The following NKAIN3 variants were observed in gnomAD, a reference collection of about 807,000 sequenced individuals.
NKAIN3 encodes the protein sodium/potassium transporting ATPase interacting 3, also known as sodium/potassium-transporting ATPase subunit beta-1-interacting protein 3.
A neutral mutation model predicts 30.2 loss-of-function variants in NKAIN3; 25 were observed. The ratio of observed to expected loss-of-function variants is 0.83; its 90% CI spans 0.60 to 1.16. The LOEUF (loss-of-function observed/expected upper bound fraction) is 1.16, where lower values mean the gene tolerates loss of function less well. Among genes scored for constraint, NKAIN3 ranks in the 50% most tolerant of loss-of-function variants. NKAIN3 has a pLI of 0.00. For synonymous variants in NKAIN3, 91 were observed against 89.6 expected (o/e 1.02, Z -0.09); for missense variants, 225 against 254.1 (o/e 0.89, Z 0.78).
chr8:62,273,468 G>T (rs376111356), intron 1 of NKAIN3, among the ~76,000 whole-genome samples: 2 of 152,184 alleles, frequency 1.3e-5, no homozygotes, highest in African/African-American at 2.4e-5. Flanking sequence ...AAGATGGTCA[G>T]TGATACAATT....
chr8:62,762,517 AG>A (rs1353610958), intron 4 of NKAIN3, among the ~76,000 whole-genome samples: 2 of 152,334 alleles, frequency 1.3e-5, no homozygotes, highest in East Asian at 3.9e-4. Flanking sequence ...TTAAGACATT[AG>A]GATGGTGTCA....
chr8:62,481,351 A>G (rs1316715759), intron 1 of NKAIN3, among the ~76,000 whole-genome samples: 3 of 152,018 alleles, frequency 2.0e-5, no homozygotes. Context: ...CCTGGAGGGC[A>G]CTTCTCAGGT....
chr8:62,288,526 A>G (rs1474100656), intron 1 of NKAIN3, among the ~76,000 whole-genome samples: 2 of 152,148 alleles, frequency 1.3e-5, no homozygotes, highest in Non-Finnish European at 2.9e-5. Flanking sequence ...TTTGCTGAGA[A>G]TGATGATTTC....
intron 1 of NKAIN3, among the ~76,000 whole-genome samples, chr8:62,567,576 T>G (rs1399445258): frequency 1.3e-5 from 2 of 152,048 alleles, no homozygotes; most frequent in African/African-American, 2.4e-5. Context: ...TCTTTATAAG[T>G]GAAAGAAGGA....
At position 62,400,194 on chromosome 8, in the gene NKAIN3, T is replaced by C. The variant is rs374354358; in HGVS notation, c.54+151067T>C. Among the ~76,000 whole-genome samples, 182 of 147,760 alleles carry C rather than the reference T, an allele frequency of 1.2e-3. 1 individual carries two copies. Among genetic ancestry groups the C allele is most frequent in the African/African-American group, 4.5e-3 (178 of 39,978 alleles). Reference sequence around the variant, plus strand: ...TTTTTTTTTTTTTTTGAGACAGAGTTTCACTCTGTCACCCAGACTGGAGTG... The same window carrying C: ...TTTTTTTTTTTTTTTGAGACAGAGTCTCACTCTGTCACCCAGACTGGAGTG... On this transcript the variant is annotated intron_variant, in intron 1 of 6. Transcript: ENST00000623646.
At chr8:62,295,103 A>G in intron 1 of NKAIN3, among the ~76,000 whole-genome samples, 1 of 152,188 alleles carries the variant, frequency 6.6e-6, no homozygotes, top group African/African-American at 2.4e-5. Context: ...GTACTTTGAA[A>G]GGAGGCACAA....
chr8:62,604,403 G>T (rs1383196), intron 3 of NKAIN3, among the ~76,000 whole-genome samples: 4 of 151,844 alleles, frequency 2.6e-5, no homozygotes, highest in African/African-American at 9.7e-5. Flanking sequence ...AGTAATTGTC[G>T]GTGTGCTTGC....
At chr8:62,743,762 T>C (rs964692761) in intron 3 of NKAIN3, among the ~76,000 whole-genome samples, 15 of 152,026 alleles carry the variant, frequency 9.9e-5, no homozygotes, top group African/African-American at 3.1e-4. Flanking sequence ...AAAAAATAAA[T>C]ATGATTGAAC....
At chr8:62,331,095 A>G (rs990032815) in intron 1 of NKAIN3, among the ~76,000 whole-genome samples, 4 of 144,102 alleles carry the variant, frequency 2.8e-5, no homozygotes, top group African/African-American at 1.1e-4. Context: ...CTCTCTCTCC[A>G]TATATATATA....
chr8:62,689,910 G>A (rs1044734053), intron 3 of NKAIN3, among the ~76,000 whole-genome samples: 1 of 151,680 alleles, frequency 6.6e-6, no homozygotes, highest in Non-Finnish European at 1.5e-5. Context: ...ACCAAGGGAA[G>A]TTCACTGGCA....
chr8:62,299,058 G>A lies in NKAIN3; in HGVS notation c.54+49931G>A, dbSNP rs928645793. Among the ~76,000 whole-genome samples, 7 of 152,018 alleles carry A rather than the reference G, an allele frequency of 4.6e-5. No individual in the cohort carries two copies. In the South Asian group the frequency reaches 1.0e-3, roughly 23 times the overall value. On this transcript the variant is annotated intron_variant, in intron 1 of 6. Transcript: ENST00000623646. Reference sequence around the variant, plus strand: ...AAAAGTATAGAGATGAGAAGATAATGTTTTCCCTGTATGTCTAAGACATAG... The same window carrying A: ...AAAAGTATAGAGATGAGAAGATAATATTTTCCCTGTATGTCTAAGACATAG...
chr8:62,866,488 C>T (rs1048863232), intron 4 of NKAIN3, among the ~76,000 whole-genome samples: 1 of 152,076 alleles, frequency 6.6e-6, no homozygotes, highest in Non-Finnish European at 1.5e-5. Flanking sequence ...TATGCATTTC[C>T]TTAAAATTAA....
chr8:62,830,378 C>A (rs1277927399), intron 4 of NKAIN3, among the ~76,000 whole-genome samples: 1 of 151,996 alleles, frequency 6.6e-6, no homozygotes, highest in African/African-American at 2.4e-5. Flanking sequence ...TAGGATTAAA[C>A]CTGGGTTGTA....
chr8:62,502,721 T>G (rs1807499154), intron 1 of NKAIN3, among the ~76,000 whole-genome samples: 1 of 152,198 alleles, frequency 6.6e-6, no homozygotes, highest in Non-Finnish European at 1.5e-5. Context: ...TATATACCAG[T>G]TATTTTCCTA....
chr8:62,315,504 A>T (rs1285211232), intron 1 of NKAIN3, among the ~76,000 whole-genome samples: 1 of 152,204 alleles, frequency 6.6e-6, no homozygotes, highest in African/African-American at 2.4e-5. Flanking sequence ...AAAGTTGACT[A>T]TCTTGGAAGT....
At chr8:62,511,555 G>A (rs562633502) in intron 1 of NKAIN3, among the ~76,000 whole-genome samples, 1 of 152,194 alleles carries the variant, frequency 6.6e-6, no homozygotes, top group African/African-American at 2.4e-5. Flanking sequence ...TCTTTCCAAG[G>A]GTTCCTGATA....
intron 5 of NKAIN3, among the ~76,000 whole-genome samples, chr8:62,996,867 G>A (rs1053364083): frequency 1.3e-5 from 2 of 152,174 alleles, no homozygotes; most frequent in Non-Finnish European, 2.9e-5. Context: ...CCATGGCCTT[G>A]GGCAGCTCCT....
chr8:62,862,784 T>C (rs1032704110), intron 4 of NKAIN3, among the ~76,000 whole-genome samples: 9 of 152,172 alleles, frequency 5.9e-5, no homozygotes, highest in African/African-American at 9.7e-5. Flanking sequence ...ATGAAAAAGA[T>C]AAGAATATTC....
intron 4 of NKAIN3, chr8:62,856,045 G>A: frequency 2.9e-6 from 2 of 686,054 alleles, no homozygotes; most frequent in South Asian, 1.6e-5. Flanking sequence ...TGCTTCTTCA[G>A]CATTACCAAG....
Sources: allele counts gnomAD v4.1 joint callset (sites outside exome capture counted in the v4.1 genomes callset), GRCh38; gene constraint gnomAD v4.1.1; transcripts MANE v1.5; gene names NCBI Gene and HGNC (gene_info 2026-07-23, HGNC 2026-07-21).